The following IL13RA1 variants were observed in gnomAD, a reference collection of about 807,000 sequenced individuals.
IL13RA1 encodes the protein interleukin 13 receptor subunit alpha 1, also known as interleukin-13 receptor subunit alpha-1.
In IL13RA1, 14 loss-of-function variants were observed where a neutral mutation model predicts 33.8. The observed-to-expected ratio is 0.41, with a 90% confidence interval of 0.27 to 0.65. The LOEUF is 0.65. Among genes scored for constraint, IL13RA1 ranks in the 30% least tolerant of loss-of-function variants. The pLI is 0.28. For missense variants in IL13RA1, 313 were observed against 327.0 expected, an observed-to-expected ratio of 0.96 and a Z score of 0.33; for synonymous variants, 116 against 115.7, an observed-to-expected ratio of 1.00 and a Z score of -0.02.
intron 4 of IL13RA1, among the ~76,000 whole-genome samples, chrX:118,757,624 C>T (rs1368598498): frequency 9.6e-6 from 1 of 104,607 alleles, no homozygotes; most frequent in Non-Finnish European, 1.9e-5. Context: ...AGTTATCTTG[C>T]CCATTGCAAA....
At position 118,727,686 on chromosome X, in the gene IL13RA1, C is replaced by T. The variant is rs764618254; in HGVS notation, c.48C>T (p.Cys16=). 657 of 884,091 alleles carry T rather than the reference C, an allele frequency of 7.4e-4. 1 individual carries two copies. In the African/African-American group the frequency reaches 0.011, roughly 15 times the overall value. 72.9% of individuals were successfully genotyped at this position (884,091 alleles called of 1,213,427 possible). ...RLCGLWALLL[C]AGGGGGGGGA... is the part of the protein sequence containing the mutation. ...GCGGGCTGTGGGCGCTGCTGCTCTGCGCCGGCGGCGGGGGCGGGGGCGGGG... is the reference window on the plus strand; with the variant it reads ...GCGGGCTGTGGGCGCTGCTGCTCTGTGCCGGCGGCGGGGGCGGGGGCGGGG... Residue 16 remains cysteine, a synonymous_variant, in exon 1 of 11, where the codon TGC becomes TGT. Coordinates refer to ENST00000371666, the MANE Select transcript of IL13RA1 (RefSeq NM_001560.3).
Position 118,793,324 on chromosome X carries a change from G to A in IL13RA1, c.*1470G>A, listed in dbSNP as rs1176453967. 8.9e-6 allele frequency: 1 copy of A among 112,410 alleles called. No homozygotes were observed. Among genetic ancestry groups the A allele is most frequent in the Non-Finnish European group, 1.9e-5 (1 of 53,209 alleles). The allele number at this position is 112,410 out of a possible 1,213,427, so 9.3% of individuals were successfully genotyped here. A position where few individuals can be genotyped will look rare whatever the true frequency, so the allele number is the denominator to read the frequency against. Reference sequence around the variant, plus strand: ...AGAGATGAGGTGGTATCTTCACGTAGAACATTGGTATTCGCTTGAGAAAAA... The same window carrying A: ...AGAGATGAGGTGGTATCTTCACGTAAAACATTGGTATTCGCTTGAGAAAAA... On this transcript the variant is annotated 3_prime_UTR_variant, in exon 11 of 11. Coordinates refer to ENST00000371666, the MANE Select transcript of IL13RA1 (RefSeq NM_001560.3).
chrX:118,784,194 A>G (rs2017891942), intron 10 of IL13RA1, among the ~76,000 whole-genome samples: 1 of 97,755 alleles, frequency 1.0e-5, no homozygotes, highest in Non-Finnish European at 2.0e-5. Context: ...AAAGCAATAT[A>G]CATTTAGTAT....
chrX:118,737,488 A>G (rs2147366170), intron 1 of IL13RA1, among the ~76,000 whole-genome samples: 1 of 111,683 alleles, frequency 9.0e-6, no homozygotes, highest in South Asian at 3.7e-4. Context: ...CCCAGAATCC[A>G]TGTGTGTGTG....
At chrX:118,791,621 C>CA (rs11318857) in intron 10 of IL13RA1, 141 bp from the exon 11 acceptor site, 17,682 of 206,917 alleles carry the variant, frequency 0.085, 148 homozygotes, top group Non-Finnish European at 0.093. Context: ...ATTCTTAGGT[C>CA]AAAAAAAAAA....
the IL13RA1 span, among the ~76,000 whole-genome samples, chrX:118,800,963 T>C: frequency 3.6e-5 from 4 of 111,092 alleles, no homozygotes; most frequent in Non-Finnish European, 7.6e-5. Context: ...TTAATTTTTA[T>C]TTTTTTGTAG....
intron 1 of IL13RA1, among the ~76,000 whole-genome samples, chrX:118,729,635 A>G (rs1461008164): frequency 8.9e-6 from 1 of 112,631 alleles, no homozygotes; most frequent in Non-Finnish European, 1.9e-5. Flanking sequence ...ACATTGTGGC[A>G]TGTCTTAATT....
At chrX:118,778,203 A>G (rs2147395852) in intron 10 of IL13RA1, among the ~76,000 whole-genome samples, 1 of 112,159 alleles carries the variant, frequency 8.9e-6, no homozygotes, top group South Asian at 3.7e-4. Context: ...TTTTATCTTT[A>G]ATTCCCAAAT....
chrX:118,798,733 A>G (rs1331430597), downstream of IL13RA1, among the ~76,000 whole-genome samples: 1 of 112,482 alleles, frequency 8.9e-6, no homozygotes, highest in African/African-American at 3.2e-5. Context: ...TATTTTTTTC[A>G]GACAGGGTCT....
At chrX:118,780,124 T>C (rs1021698700) in intron 10 of IL13RA1, among the ~76,000 whole-genome samples, 1 of 111,934 alleles carries the variant, frequency 8.9e-6, no homozygotes, top group African/African-American at 3.3e-5. Context: ...ATTCCAGATA[T>C]GGGGAAGGGT....
chrX:118,753,806 C>T (rs1433818140), intron 4 of IL13RA1, among the ~76,000 whole-genome samples: 5 of 112,783 alleles, frequency 4.4e-5, no homozygotes, highest in Non-Finnish European at 9.4e-5. Flanking sequence ...AGGCATGAGC[C>T]ACCGCACCTG....
chrX:118,801,543 A>T, the IL13RA1 span, among the ~76,000 whole-genome samples: 6 of 111,633 alleles, frequency 5.4e-5, no homozygotes, highest in Non-Finnish European at 9.4e-5. Context: ...TTTTTCTCCC[A>T]TGTTCCCTTT....
In IL13RA1 at chrX:118,741,146, A is replaced by G; in HGVS notation, c.218A>G (p.Lys73Arg). 3 of 1,162,062 alleles carry G rather than the reference A, an allele frequency of 2.6e-6. No homozygotes were observed. Among genetic ancestry groups the G allele is most frequent in the Non-Finnish European group, 3.5e-6 (3 of 850,725 alleles). ...SLWYFSHFGDKQDKKIAPETR... is the reference protein window; with the variant it reads ...SLWYFSHFGDRQDKKIAPETR... ...TGGTATTTTAGTCATTTTGGCGACAAACAAGATAAGGTAAGTTTTCTGCAA... is the reference window on the plus strand; with the variant it reads ...TGGTATTTTAGTCATTTTGGCGACAGACAAGATAAGGTAAGTTTTCTGCAA... Residue 73 changes from lysine to arginine, a missense_variant, in exon 2 of 11, where the codon AAA becomes AGA. Physicochemically the swap from Lys to Arg is conservative, Grantham distance 26. Transcript: ENST00000371666.
intron 8 of IL13RA1, chrX:118,769,652 A>G (rs1165013099): frequency 8.9e-6 from 1 of 112,889 alleles, no homozygotes; most frequent in Non-Finnish European, 1.9e-5. Context: ...CATCTTTGTT[A>G]ATAGTATTTA....
chrX:118,780,760 C>T (rs965930562), intron 10 of IL13RA1, among the ~76,000 whole-genome samples: 5 of 112,112 alleles, frequency 4.5e-5, no homozygotes, highest in South Asian at 3.7e-4. Context: ...ACACTTCCAA[C>T]GTTGGGGATT....
At chrX:118,772,148 G>C (rs1277225831) in intron 8 of IL13RA1, among the ~76,000 whole-genome samples, 1 of 112,545 alleles carries the variant, frequency 8.9e-6, no homozygotes, top group Non-Finnish European at 1.9e-5. Context: ...AGTTCAGAGG[G>C]AATGCTTTTT....
chrX:118,786,727 C>T (rs1370997287), intron 10 of IL13RA1, among the ~76,000 whole-genome samples: 3 of 111,537 alleles, frequency 2.7e-5, no homozygotes, highest in African/African-American at 9.8e-5. Context: ...CGCTCTTGTC[C>T]CTGTCCTGAC....
At chrX:118,798,341 T>C (rs1603226048), downstream of IL13RA1, among the ~76,000 whole-genome samples, 1 of 111,712 alleles carries the variant, frequency 9.0e-6, no homozygotes, top group East Asian at 2.8e-4. Context: ...TATGTACCTG[T>C]CATGAGTTCA....
intron 10 of IL13RA1, among the ~76,000 whole-genome samples, chrX:118,781,555 T>C (rs2017843591): frequency 8.9e-6 from 1 of 111,993 alleles, no homozygotes; most frequent in South Asian, 3.7e-4. Flanking sequence ...TTTTGCCATG[T>C]TGGCCAGGCT....
Sources: allele counts gnomAD v4.1 joint callset (sites outside exome capture counted in the v4.1 genomes callset), GRCh38; gene constraint gnomAD v4.1.1; transcripts MANE v1.5; gene names NCBI Gene and HGNC (gene_info 2026-07-23, HGNC 2026-07-21).